The following ENPP6 variants were observed in gnomAD, a reference collection of about 807,000 sequenced individuals.
ENPP6 encodes the protein glycerophosphocholine cholinephosphodiesterase ENPP6.
In ENPP6, 32 loss-of-function variants were observed where a neutral mutation model predicts 42.0. That is an observed-to-expected ratio of 0.76 (90% CI 0.58 to 1.02). ENPP6 has a LOEUF of 1.02. ENPP6 is among the 50% of genes least tolerant of loss of function. ENPP6 has a pLI of 0.00. For missense variants in ENPP6, 552 were observed against 566.8 expected (o/e 0.97, Z 0.27); for synonymous variants, 213 against 216.0 (o/e 0.99, Z 0.12).
intron 1 of ENPP6, among the ~76,000 whole-genome samples, chr4:184,182,117 A>G (rs1579653018): frequency 1.3e-5 from 2 of 152,078 alleles, no homozygotes; most frequent in Admixed American, 6.5e-5. Context: ...TCCATCAGAC[A>G]AAGATCTAAT....
intron 6 of ENPP6, among the ~76,000 whole-genome samples, chr4:184,111,135 G>A (rs976555035): frequency 6.6e-5 from 10 of 152,176 alleles, no homozygotes; most frequent in African/African-American, 9.6e-5. Context: ...CAAGATGCCC[G>A]ATCACTTCTG....
chr4:184,195,518 A>G (rs2111110910), intron 1 of ENPP6, among the ~76,000 whole-genome samples: 1 of 152,320 alleles, frequency 6.6e-6, no homozygotes, highest in African/African-American at 2.4e-5. Context: ...CTGTATAATC[A>G]TCACCACGTC....
intron 1 of ENPP6, among the ~76,000 whole-genome samples, chr4:184,189,346 T>G (rs1451821887): frequency 6.6e-6 from 1 of 152,202 alleles, no homozygotes; most frequent in Non-Finnish European, 1.5e-5. Context: ...TCAACAGAAA[T>G]TCCTGGCCTA....
At chr4:184,171,787 A>T (rs945581913) in intron 1 of ENPP6, among the ~76,000 whole-genome samples, 1 of 147,634 alleles carries the variant, frequency 6.8e-6, no homozygotes, top group African/African-American at 2.6e-5. Context: ...AAACACATTG[A>T]TTTTTTTTTT....
intron 2 of ENPP6, among the ~76,000 whole-genome samples, chr4:184,134,463 G>A (rs1375057176): frequency 6.6e-6 from 1 of 151,762 alleles, no homozygotes; most frequent in East Asian, 1.9e-4. Context: ...TTTCTGTTTT[G>A]GTGATGTTTC....
At chr4:184,091,577 G>A (rs1472310697) in intron 7 of ENPP6, among the ~76,000 whole-genome samples, 195 bp from the exon 8 acceptor site, 1 of 152,112 alleles carries the variant, frequency 6.6e-6, no homozygotes, top group Non-Finnish European at 1.5e-5. Context: ...AAGGGAAACA[G>A]CTTTCTATGG....
intron 1 of ENPP6, among the ~76,000 whole-genome samples, chr4:184,173,820 C>A (rs1039065535): frequency 1.3e-5 from 2 of 152,274 alleles, no homozygotes; most frequent in East Asian, 3.9e-4. Context: ...AAGGGCTTTA[C>A]AATGCAGCCC....
At chr4:184,101,304 TTGTG>T (rs56174532) in intron 6 of ENPP6, among the ~76,000 whole-genome samples, 3,676 of 137,024 alleles carry the variant, frequency 0.027, 58 homozygotes, top group Middle Eastern at 0.049. Flanking sequence ...GTGTGTGAGC[TTGTG>T]TGTGTGTGTG....
rs567217975 is a variant in ENPP6, at chr4:184,146,588, G to A, written c.421+6966C>T. On this transcript the variant is annotated intron_variant, in intron 2 of 7. Transcript: ENST00000296741. ...AGTCCAGAGCTGGCCGGGGTGCCCC[G>A]TTAATAAATGCAGATGCTCTTTTTG... 1.9e-4 allele frequency among the ~76,000 whole-genome samples: 29 copies of A among 152,346 alleles called. No homozygotes were observed. In the South Asian group the frequency reaches 2.9e-3, roughly 15 times the overall value.
chr4:184,174,365 CCAAT>C (rs766549669), intron 1 of ENPP6, among the ~76,000 whole-genome samples: 1 of 151,934 alleles, frequency 6.6e-6, no homozygotes, highest in Non-Finnish European at 1.5e-5. Flanking sequence ...AGTGAACCAA[CCAAT>C]CAATGACAGA....
intron 1 of ENPP6, chr4:184,204,008 G>T (rs1732946942): frequency 6.6e-6 from 1 of 152,254 alleles, no homozygotes; most frequent in Admixed American, 6.5e-5. Flanking sequence ...TTGAGATCAA[G>T]ATGTCATCAG....
At chr4:184,192,498 A>G (rs956469059) in intron 1 of ENPP6, among the ~76,000 whole-genome samples, 2 of 152,240 alleles carry the variant, frequency 1.3e-5, no homozygotes, top group Admixed American at 6.5e-5. Context: ...TTTGTCTTAT[A>G]AGAAAACATA....
intron 1 of ENPP6, among the ~76,000 whole-genome samples, chr4:184,183,275 G>T (rs1427098790): frequency 6.6e-6 from 1 of 152,214 alleles, no homozygotes; most frequent in Non-Finnish European, 1.5e-5. Context: ...GGCAGACACT[G>T]AGTATGTAGA....
chr4:184,194,122 G>T (rs751184575), intron 1 of ENPP6, among the ~76,000 whole-genome samples: 16 of 151,980 alleles, frequency 1.1e-4, no homozygotes, highest in Non-Finnish European at 1.8e-4. Context: ...TACCATCATG[G>T]TCCCTCATCT....
intron 4 of ENPP6, among the ~76,000 whole-genome samples, chr4:184,117,517 T>C (rs1736340117): frequency 6.6e-6 from 1 of 152,252 alleles, no homozygotes; most frequent in Admixed American, 6.5e-5. Flanking sequence ...TGGGTGTCTC[T>C]CCAGCTGAGC....
At chr4:184,153,415 T>C in intron 2 of ENPP6, 139 bp downstream of exon 2, 1 of 992,106 alleles carries the variant, frequency 1.0e-6, no homozygotes. Context: ...TGAGCCACCG[T>C]GCCCAGCCAA....
chr4:184,146,424 C>T (rs1200756760), intron 2 of ENPP6, among the ~76,000 whole-genome samples: 1 of 109,244 alleles, frequency 9.2e-6, no homozygotes, highest in Non-Finnish European at 2.1e-5. Context: ...AGCGAGACTC[C>T]GTTTCAAAAA....
At chr4:184,117,064 G>A (rs759475639) in intron 4 of ENPP6, 29 bp from the exon 5 acceptor site, 28 of 1,613,162 alleles carry the variant, frequency 1.7e-5, no homozygotes, top group Non-Finnish European at 2.4e-5. Flanking sequence ...CAGTCATTAC[G>A]GCACCAACAG....
chr4:184,124,039 G>T, intron 3 of ENPP6, 122 bp downstream of exon 3: 1 of 709,686 alleles, frequency 1.4e-6, no homozygotes. Context: ...CACTATGCAA[G>T]ACTCTCACCA....
Sources: gnomAD v4.1 joint callset for allele counts (sites outside exome capture counted in the v4.1 genomes callset) on GRCh38, gnomAD v4.1.1 for gene constraint, MANE v1.5 for transcripts, NCBI Gene and HGNC (gene_info 2026-07-23, HGNC 2026-07-21) for gene names.